WWOX: variants seen among roughly 807,000 people sequenced by gnomAD.
WWOX encodes WW domain containing oxidoreductase.
In WWOX, 69 loss-of-function variants were observed where a neutral mutation model predicts 46.2. The ratio of observed to expected loss-of-function variants is 1.49; its 90% confidence interval spans 1.23 to 1.82. The LOEUF is 1.82. WWOX is among the 40% of genes most tolerant of loss of function. The pLI is 0.00. For synonymous variants in WWOX, 359 were observed against 202.6 expected, an observed-to-expected ratio of 1.77 and a Z score of -6.56; for missense variants, 919 against 542.6, an observed-to-expected ratio of 1.69 and a Z score of -6.89.
rs1194130355 is a variant in WWOX at position 78,578,254 on chromosome 16, TTATATATA to T, written c.1056+145526_1056+145533del. Among the ~76,000 whole-genome samples the T allele has an allele frequency of 1.8e-3, 58 of 31,628 alleles. 1 individual carries two copies. Among genetic ancestry groups the T allele is most frequent in the East Asian group, 0.016 (14 of 888 alleles). The allele number at this position is 31,628 out of a possible 152,430, so 20.7% of individuals were successfully genotyped here. A position where few individuals can be genotyped will look rare whatever the true frequency, so the allele number is the denominator to read the frequency against. On this transcript the variant is annotated intron_variant, in intron 8 of 8. Coordinates refer to ENST00000566780, the MANE Select transcript of WWOX (RefSeq NM_016373.4). Reference sequence around the variant, plus strand: ...TACAAATATATGTGCATACCAAATTTTATATATATATATATATATATATATATATATTT... The same window carrying T: ...TACAAATATATGTGCATACCAAATTTTATATATATATATATATATATATTT...
intron 8 of WWOX, among the ~76,000 whole-genome samples, chr16:79,097,924 AATG>A (rs2049110494): frequency 6.6e-6 from 1 of 152,172 alleles, no homozygotes; most frequent in Admixed American, 6.5e-5. Flanking sequence ...TTACAGGCAA[AATG>A]ATAAGTCAGG....
At chr16:78,642,772 G>C (rs1437892174) in intron 8 of WWOX, among the ~76,000 whole-genome samples, 7 of 152,002 alleles carry the variant, frequency 4.6e-5, no homozygotes, top group Admixed American at 1.3e-4. Flanking sequence ...GGAACTCAGG[G>C]CGTGAGGCAC....
chr16:78,670,082 C>A (rs1440016878), intron 8 of WWOX, among the ~76,000 whole-genome samples: 1 of 152,058 alleles, frequency 6.6e-6, no homozygotes, highest in East Asian at 1.9e-4. Context: ...TTCCTGTTCC[C>A]GGCCGCCCCC....
intron 8 of WWOX, among the ~76,000 whole-genome samples, chr16:78,696,777 A>C (rs561418160): frequency 6.6e-6 from 1 of 152,018 alleles, no homozygotes; most frequent in South Asian, 2.1e-4. Flanking sequence ...AGCAGTATAC[A>C]CTGCATCCAG....
At chr16:79,096,347 A>G (rs1302763537) in intron 8 of WWOX, among the ~76,000 whole-genome samples, 2 of 152,120 alleles carry the variant, frequency 1.3e-5, no homozygotes, top group African/African-American at 2.4e-5. Flanking sequence ...CGAGCTGGCC[A>G]TGGCATCCTG....
At chr16:78,611,045 C>T (rs2045888649) in intron 8 of WWOX, among the ~76,000 whole-genome samples, 1 of 152,152 alleles carries the variant, frequency 6.6e-6, no homozygotes, top group Non-Finnish European at 1.5e-5. Context: ...CAATTTCAAT[C>T]ATATGTTGTT....
intron 8 of WWOX, among the ~76,000 whole-genome samples, chr16:78,654,294 A>G (rs1026557394): frequency 1.4e-4 from 21 of 152,220 alleles, no homozygotes; most frequent in African/African-American, 4.6e-4. Flanking sequence ...GAATTATGAA[A>G]CATAAATCCC....
chr16:78,968,048 T>C (rs1051623920), intron 8 of WWOX, among the ~76,000 whole-genome samples: 1 of 152,002 alleles, frequency 6.6e-6, no homozygotes, highest in Non-Finnish European at 1.5e-5. Flanking sequence ...CAGTGCATGG[T>C]CTGCATGGCA....
chr16:78,861,848 T>A (rs916542232), intron 8 of WWOX, among the ~76,000 whole-genome samples: 1 of 152,218 alleles, frequency 6.6e-6, no homozygotes, highest in Admixed American at 6.5e-5. Flanking sequence ...ACACCATGTT[T>A]CCAGGCCTCT....
intron 8 of WWOX, among the ~76,000 whole-genome samples, chr16:79,010,334 G>A (rs1210019159): frequency 6.6e-6 from 1 of 152,132 alleles, no homozygotes; most frequent in East Asian, 1.9e-4. Flanking sequence ...TCAGGCGACA[G>A]ATGGGACCAG....
intron 8 of WWOX, among the ~76,000 whole-genome samples, chr16:78,872,322 G>A (rs1377569445): frequency 6.6e-6 from 1 of 152,118 alleles, no homozygotes; most frequent in Non-Finnish European, 1.5e-5. Context: ...AAATAATGTA[G>A]GGAAAACACT....
At chr16:78,845,480 G>T (rs1304540544) in intron 8 of WWOX, among the ~76,000 whole-genome samples, 1 of 152,102 alleles carries the variant, frequency 6.6e-6, no homozygotes, top group Non-Finnish European at 1.5e-5. Flanking sequence ...TATGCTCATG[G>T]ATTCTCTTTT....
intron 8 of WWOX, among the ~76,000 whole-genome samples, chr16:78,881,898 G>A (rs977265023): frequency 6.6e-6 from 1 of 152,064 alleles, no homozygotes; most frequent in South Asian, 2.1e-4. Flanking sequence ...CGAGGTAGGT[G>A]GATCACTTGA....
rs141808538 is a variant in WWOX, at chr16:78,580,380, A to G, written c.1056+147628A>G. Among the ~76,000 whole-genome samples, 23 of 152,290 alleles carry G rather than the reference A, an allele frequency of 1.5e-4. 1 individual carries two copies. The highest frequency in any genetic ancestry group is 1.0e-3 in the Admixed American group (16 of 15,282). On this transcript the variant is annotated intron_variant, in intron 8 of 8. Coordinates refer to ENST00000566780, the MANE Select transcript of WWOX (RefSeq NM_016373.4). ...TGAGCCACTGCACCTGGCCTCCAAC[A>G]GAGGATTTCAGTCAATGCTGAGCAC... is the stretch of plus-strand genomic sequence containing the variant.
chr16:78,959,923 C>G (rs990735018), intron 8 of WWOX, among the ~76,000 whole-genome samples: 5 of 152,232 alleles, frequency 3.3e-5, no homozygotes, highest in Admixed American at 2.6e-4. Flanking sequence ...TCTAGATGAC[C>G]TAAGTAATTC....
At chr16:78,852,224 C>A (rs1334613792) in intron 8 of WWOX, among the ~76,000 whole-genome samples, 1 of 152,130 alleles carries the variant, frequency 6.6e-6, no homozygotes, top group East Asian at 1.9e-4. Context: ...CTCTAGTGAC[C>A]CTCACTTCCT....
At chr16:78,646,510 C>T (rs1404707029) in intron 8 of WWOX, among the ~76,000 whole-genome samples, 1 of 152,200 alleles carries the variant, frequency 6.6e-6, no homozygotes, top group African/African-American at 2.4e-5. Context: ...TCACTGCATC[C>T]CCTGTCTCCC....
In WWOX at chr16:78,798,924, A is replaced by G. The variant is rs192709131; in HGVS notation, c.1056+366172A>G. Among the ~76,000 whole-genome samples, 162 of 152,236 alleles carry G rather than the reference A, an allele frequency of 1.1e-3. 1 individual carries two copies. The highest frequency in any genetic ancestry group is 3.6e-3 in the African/African-American group (148 of 41,544). ...AAAGTTTGAGACACCACTTGCTGCCAGTGGTTTTATGGCATTTTGTTGGGG... is the reference window on the plus strand; with the variant it reads ...AAAGTTTGAGACACCACTTGCTGCCGGTGGTTTTATGGCATTTTGTTGGGG... On this transcript the variant is annotated intron_variant, in intron 8 of 8. Transcript: ENST00000566780.
intron 8 of WWOX, among the ~76,000 whole-genome samples, chr16:78,514,640 T>C (rs908852328): frequency 1.3e-5 from 2 of 152,328 alleles, no homozygotes; most frequent in East Asian, 3.9e-4. Context: ...AGTTTCTTGA[T>C]GCATTTAAAA....
Sources: gnomAD v4.1 joint callset for allele counts (sites outside exome capture counted in the v4.1 genomes callset) on GRCh38, gnomAD v4.1.1 for gene constraint, MANE v1.5 for transcripts, NCBI Gene and HGNC (gene_info 2026-07-23, HGNC 2026-07-21) for gene names.